Variants in CAMK2G observed in about 807,000 individuals in gnomAD.
CAMK2G encodes calcium/calmodulin dependent protein kinase II gamma, also known as calcium/calmodulin-dependent protein kinase type II subunit gamma.
CAMK2G carries 23 observed loss-of-function variants against 88.7 expected under a neutral mutation model. That is an observed-to-expected ratio of 0.26 (90% CI 0.19 to 0.37). The LOEUF is 0.37. Ranked by LOEUF, CAMK2G falls within the 10% of genes least tolerant of loss-of-function variation. The pLI, the probability that CAMK2G is intolerant of heterozygous loss-of-function variation, is 1.00. For missense variants in CAMK2G, 476 were observed against 780.8 expected, an observed-to-expected ratio of 0.61 and a Z score of 4.65; for synonymous variants, 263 against 294.8, an observed-to-expected ratio of 0.89 and a Z score of 1.11.
rs867633850 is a variant in CAMK2G, at chr10:73,842,552, A to G, written c.820-11T>C. ...CACCGTGGATCGTTGCTAGAAACCAAACAGACAGGCTATGAGCCCCAGCCC... is the reference window on the plus strand; with the variant it reads ...CACCGTGGATCGTTGCTAGAAACCAGACAGACAGGCTATGAGCCCCAGCCC... On this transcript the variant is annotated splice_polypyrimidine_tract_variant and intron_variant, in intron 10 of 22. Coordinates refer to ENST00000423381, the MANE Select transcript of CAMK2G (RefSeq NM_001367534.1). The surrounding 1 kb of genome is among the most constrained non-coding windows in gnomAD (Gnocchi z 4.6). 15 of 1,602,526 alleles carry G rather than the reference A, an allele frequency of 9.4e-6. No individual in the cohort carries two copies. In the Middle Eastern group the frequency reaches 2.3e-3, roughly 248 times the overall value.
chr10:73,869,053 G>A (rs576066080), intron 2 of CAMK2G, among the ~76,000 whole-genome samples: 5 of 152,342 alleles, frequency 3.3e-5, no homozygotes, highest in South Asian at 4.1e-4. Flanking sequence ...GGGCCAAGGT[G>A]TGTCTGTTGA....
At chr10:73,837,424 C>G in intron 14 of CAMK2G, 44 bp downstream of exon 14, 1 of 1,509,544 alleles carries the variant, frequency 6.6e-7, no homozygotes, top group South Asian at 1.1e-5. Context: ...ATAGTGACTG[C>G]GGGGAGAAAG....
At chr10:73,823,051 G>A (rs1449711983) in intron 17 of CAMK2G, among the ~76,000 whole-genome samples, 1 of 151,660 alleles carries the variant, frequency 6.6e-6, no homozygotes, top group African/African-American at 2.4e-5. Context: ...TAGTAGAGAT[G>A]GGGTTTTGCC....
At position 73,815,240 on chromosome 10, in the gene CAMK2G, G is replaced by A. The variant is rs17853265; in HGVS notation, c.1542C>T (p.Ser514=). 3.1e-6 allele frequency: 5 copies of A among 1,612,274 alleles called. No individual in the cohort carries two copies. Among genetic ancestry groups the A allele is most frequent in the Non-Finnish European group, 4.2e-6 (5 of 1,178,368 alleles). ...TGGTATGGATAGGCTTGCTGTTCTT[G>A]GACAGGACTGCAGGGCAGGGTGGGG... ...FHKFYFENLL[S]KNSKPIHTTI... The change falls in exon 22 of 23, where the codon TCC becomes TCT. Residue 514 remains serine, a synonymous_variant. Coordinates refer to ENST00000423381, the MANE Select transcript of CAMK2G (RefSeq NM_001367534.1).
At chr10:73,826,751 A>G (rs1046181216) in intron 15 of CAMK2G, among the ~76,000 whole-genome samples, 1 of 152,154 alleles carries the variant, frequency 6.6e-6, no homozygotes, top group African/African-American at 2.4e-5. Flanking sequence ...CTCTCCTAGG[A>G]CATACACAGA....
chr10:73,866,566 T>C (rs1257551326), intron 2 of CAMK2G, among the ~76,000 whole-genome samples: 1 of 152,206 alleles, frequency 6.6e-6, no homozygotes, highest in Admixed American at 6.5e-5. Flanking sequence ...ATTCCTACTC[T>C]GACTGAGGAC....
chr10:73,872,332 A>T (rs2095862925), intron 2 of CAMK2G, among the ~76,000 whole-genome samples: 1 of 60,838 alleles, frequency 1.6e-5, no homozygotes, highest in South Asian at 4.4e-4. Flanking sequence ...TTCCTGCCCA[A>T]ACCGGGCCTT....
At chr10:73,827,790 G>T (rs547498674) in intron 15 of CAMK2G, among the ~76,000 whole-genome samples, 3 of 152,312 alleles carry the variant, frequency 2.0e-5, no homozygotes, top group African/African-American at 7.2e-5. Context: ...GAGAGTGAGG[G>T]TCTCTCCCTT....
intron 17 of CAMK2G, among the ~76,000 whole-genome samples, chr10:73,823,230 T>G (rs1223121388): frequency 1.3e-5 from 2 of 151,986 alleles, no homozygotes; most frequent in Non-Finnish European, 2.9e-5. Flanking sequence ...TTTATTTTTT[T>G]TGAGAGATTA....
intron 12 of CAMK2G, among the ~76,000 whole-genome samples, chr10:73,841,167 G>C (rs1207415352): frequency 6.6e-6 from 1 of 152,242 alleles, no homozygotes; most frequent in African/African-American, 2.4e-5. Context: ...CAAGGCCCTG[G>C]CGTTACCTGG....
chr10:73,858,654 G>GC (rs1215713085), intron 3 of CAMK2G, among the ~76,000 whole-genome samples: 1 of 152,180 alleles, frequency 6.6e-6, no homozygotes, highest in Non-Finnish European at 1.5e-5. Flanking sequence ...GAGTGACTGT[G>GC]CCCCACCTGG....
intron 16 of CAMK2G, among the ~76,000 whole-genome samples, chr10:73,824,512 G>T (rs767708331): frequency 2.6e-5 from 4 of 152,230 alleles, no homozygotes; most frequent in Non-Finnish European, 5.9e-5. Flanking sequence ...GAAGAATGAG[G>T]TCTCCCAGAA....
chr10:73,813,246 G>A lies in CAMK2G; in HGVS notation c.*1272C>T, dbSNP rs889295779. 6.5e-6 allele frequency: 1 copy of A among 152,740 alleles called. No individual in the cohort carries two copies. Among genetic ancestry groups the A allele is most frequent in the Non-Finnish European group, 1.5e-5 (1 of 68,106 alleles). 9.5% of individuals were successfully genotyped at this position (152,740 alleles called of 1,614,324 possible). On this transcript the variant is annotated 3_prime_UTR_variant, in exon 23 of 23. Coordinates refer to ENST00000423381, the MANE Select transcript of CAMK2G (RefSeq NM_001367534.1). ...AGCCTTGGCTCTGGACACCTCTTTT[G>A]GGTTACATGCGGGGAGGGGTGATGC...
intron 12 of CAMK2G, among the ~76,000 whole-genome samples, chr10:73,840,559 G>T (rs138383477): frequency 1.2e-4 from 18 of 152,330 alleles, no homozygotes; most frequent in African/African-American, 4.3e-4. Context: ...TGAGCTCAAA[G>T]GCCAGTCTAG....
At chr10:73,871,065 G>A (rs746154057) in intron 2 of CAMK2G, among the ~76,000 whole-genome samples, 9 of 152,094 alleles carry the variant, frequency 5.9e-5, no homozygotes, top group Middle Eastern at 3.2e-3. Flanking sequence ...CCTGGCACAT[G>A]AGGCCACACA....
At chr10:73,833,127 A>ATT (rs765917793) in intron 14 of CAMK2G, among the ~76,000 whole-genome samples, 1 of 138,782 alleles carries the variant, frequency 7.2e-6, no homozygotes. Flanking sequence ...CACTCAGCTA[A>ATT]TTTTTTTTTT....
intron 19 of CAMK2G, chr10:73,818,422 G>T: frequency 3.2e-6 from 1 of 308,996 alleles, no homozygotes; most frequent in Non-Finnish European, 6.5e-6. Flanking sequence ...AGCAGGGGCT[G>T]CCACCAGGGT....
At chr10:73,857,915 C>G (rs139777258) in intron 3 of CAMK2G, among the ~76,000 whole-genome samples, 1 of 152,188 alleles carries the variant, frequency 6.6e-6, no homozygotes, top group East Asian at 1.9e-4. Context: ...TAGGTTCACA[C>G]CAAAATTGAG....
intron 21 of CAMK2G, chr10:73,815,879 T>C (rs1021282326): frequency 1.0e-6 from 1 of 985,280 alleles, no homozygotes; most frequent in African/African-American, 1.7e-5. Context: ...CTGTGAAAAC[T>C]GTGTTGCTTT....
Sources: gnomAD v4.1 joint callset for allele counts (sites outside exome capture counted in the v4.1 genomes callset) on GRCh38, gnomAD v4.1.1 for gene constraint, Gnocchi (gnomAD v3.1) non-coding constraint, MANE v1.5 for transcripts, NCBI Gene and HGNC (gene_info 2026-07-23, HGNC 2026-07-21) for gene names.